Variants in NPAS3 observed in about 807,000 individuals in gnomAD.
The protein encoded by NPAS3 is neuronal PAS domain protein 3, also known as neuronal PAS domain-containing protein 3.
In NPAS3, 14 loss-of-function variants were observed where a neutral mutation model predicts 73.1. The ratio of observed to expected loss-of-function variants is 0.19; its 90% confidence interval spans 0.13 to 0.30. The LOEUF (loss-of-function observed/expected upper bound fraction) is 0.30. Among genes scored for constraint, NPAS3 ranks in the 10% least tolerant of loss-of-function variants. The pLI is 1.00. For missense variants in NPAS3, 1,096 were observed against 1,250.0 expected, an observed-to-expected ratio of 0.88 and a Z score of 1.86; for synonymous variants, 620 against 541.5, an observed-to-expected ratio of 1.14 and a Z score of -2.01.
At chr14:33,455,851 G>C (rs1428777081) in intron 4 of NPAS3, among the ~76,000 whole-genome samples, 1 of 152,188 alleles carries the variant, frequency 6.6e-6, no homozygotes, top group Non-Finnish European at 1.5e-5. Context: ...AAGTTAAAGA[G>C]ACAGAAATGG....
chr14:33,173,338 A>G (rs537820639), intron 2 of NPAS3, among the ~76,000 whole-genome samples: 5 of 152,338 alleles, frequency 3.3e-5, no homozygotes, highest in Non-Finnish European at 5.9e-5. Flanking sequence ...AATGTATGCC[A>G]TATGTTTGAA....
At chr14:33,057,773 C>A (rs910299505) in intron 2 of NPAS3, among the ~76,000 whole-genome samples, 3 of 152,044 alleles carry the variant, frequency 2.0e-5, no homozygotes, top group Non-Finnish European at 4.4e-5. Context: ...GAAATATTGG[C>A]AAATAAATGA....
intron 4 of NPAS3, among the ~76,000 whole-genome samples, chr14:33,401,165 C>T (rs2047429208): frequency 6.6e-6 from 1 of 152,104 alleles, no homozygotes. Context: ...TGTGCTGTAC[C>T]TTGCAATATT....
At chr14:33,579,119 C>A (rs919577243) in intron 5 of NPAS3, among the ~76,000 whole-genome samples, 7 of 152,210 alleles carry the variant, frequency 4.6e-5, no homozygotes, top group African/African-American at 1.7e-4. Flanking sequence ...ATTCTGCTAT[C>A]ATTCCAGTTT....
intron 3 of NPAS3, among the ~76,000 whole-genome samples, chr14:33,230,889 G>T (rs1050636637): frequency 1.3e-5 from 2 of 152,022 alleles, no homozygotes; most frequent in African/African-American, 4.8e-5. Flanking sequence ...CATTTTCTCT[G>T]TCCCCTGAAA....
upstream of NPAS3, among the ~76,000 whole-genome samples, chr14:32,937,843 C>G (rs1284719496): frequency 6.6e-6 from 1 of 152,124 alleles, no homozygotes; most frequent in Non-Finnish European, 1.5e-5. Flanking sequence ...ATGACTGACC[C>G]AAGTCTCTGC....
intron 5 of NPAS3, among the ~76,000 whole-genome samples, chr14:33,604,242 G>C (rs965773426): frequency 2.6e-5 from 4 of 151,906 alleles, no homozygotes; most frequent in Non-Finnish European, 5.9e-5. Flanking sequence ...ATATAAGCAA[G>C]CAAGACCCAA....
At chr14:33,479,454 C>A (rs1038088791) in intron 4 of NPAS3, among the ~76,000 whole-genome samples, 3 of 152,124 alleles carry the variant, frequency 2.0e-5, no homozygotes, top group African/African-American at 7.2e-5. Context: ...CCACCCTTCA[C>A]CCACTTGTCA....
chr14:33,147,777 A>G (rs1260394297), intron 2 of NPAS3, among the ~76,000 whole-genome samples: 2 of 147,516 alleles, frequency 1.4e-5, no homozygotes, highest in African/African-American at 5.0e-5. Flanking sequence ...GTTTGGATTA[A>G]AAAAAGTATG....
chr14:33,788,265 G>A (rs911304489), intron 9 of NPAS3, among the ~76,000 whole-genome samples: 2 of 152,110 alleles, frequency 1.3e-5, no homozygotes, highest in African/African-American at 4.8e-5. Flanking sequence ...CGTTCTCCGC[G>A]GCCACTGACG....
intron 3 of NPAS3, among the ~76,000 whole-genome samples, chr14:33,361,398 G>GAA (rs1466278882): frequency 1.3e-5 from 2 of 152,166 alleles, no homozygotes; most frequent in East Asian, 3.9e-4. Flanking sequence ...AGTGCATAGT[G>GAA]AACACCCCCT....
At chr14:33,772,769 C>T (rs1048982020) in intron 7 of NPAS3, among the ~76,000 whole-genome samples, 3 of 152,186 alleles carry the variant, frequency 2.0e-5, no homozygotes, top group Non-Finnish European at 4.4e-5. Context: ...GGTGTTTTAG[C>T]ATCCTTGCCT....
intron 3 of NPAS3, among the ~76,000 whole-genome samples, chr14:33,238,199 T>G (rs2139814477): frequency 6.6e-6 from 1 of 152,092 alleles, no homozygotes; most frequent in Admixed American, 6.6e-5. Flanking sequence ...ACATATTACC[T>G]GCAGACCCCA....
chr14:33,106,172 C>A (rs2042717547), intron 2 of NPAS3, among the ~76,000 whole-genome samples: 1 of 152,138 alleles, frequency 6.6e-6, no homozygotes, highest in African/African-American at 2.4e-5. Context: ...CCAATATAGA[C>A]TTTTCCTTCC....
At chr14:33,134,866 T>TC (rs2043775903) in intron 2 of NPAS3, among the ~76,000 whole-genome samples, 1 of 151,692 alleles carries the variant, frequency 6.6e-6, no homozygotes, top group Non-Finnish European at 1.5e-5. Flanking sequence ...GACTGATTTT[T>TC]TTTTTCTCAT....
At chr14:32,999,347 T>TA (rs1194839317) in intron 1 of NPAS3, among the ~76,000 whole-genome samples, 1 of 152,000 alleles carries the variant, frequency 6.6e-6, no homozygotes, top group South Asian at 2.1e-4. Context: ...CCATCTCTAC[T>TA]AAAAATACAA....
chr14:33,067,028 C>T (rs562276210), intron 2 of NPAS3, among the ~76,000 whole-genome samples: 2 of 152,268 alleles, frequency 1.3e-5, no homozygotes, highest in Non-Finnish European at 2.9e-5. Flanking sequence ...AGTTTGCACT[C>T]GAGACAGTGG....
intron 2 of NPAS3, among the ~76,000 whole-genome samples, chr14:33,141,925 A>G (rs1478991354): frequency 6.6e-6 from 1 of 152,196 alleles, no homozygotes; most frequent in Non-Finnish European, 1.5e-5. Context: ...ACCTTTGTCA[A>G]CACCAGTGGA....
chr14:33,709,580 G>T (rs541626636), intron 6 of NPAS3, among the ~76,000 whole-genome samples: 1 of 152,278 alleles, frequency 6.6e-6, no homozygotes, highest in East Asian at 1.9e-4. Flanking sequence ...CATTTGCTAA[G>T]TTCTTTCCAG....
Sources: gnomAD v4.1 joint callset for allele counts (sites outside exome capture counted in the v4.1 genomes callset) on GRCh38, gnomAD v4.1.1 for gene constraint, MANE v1.5 for transcripts, NCBI Gene and HGNC (gene_info 2026-07-23, HGNC 2026-07-21) for gene names.